MAGI1: variants seen among roughly 807,000 people sequenced by gnomAD.
MAGI1 encodes membrane-associated guanylate kinase, WW and PDZ domain-containing protein 1.
In MAGI1, 58 loss-of-function variants were observed where a neutral mutation model predicts 139.9. The ratio of observed to expected loss-of-function variants is 0.41; its 90% confidence interval spans 0.34 to 0.52. MAGI1 has a LOEUF of 0.52. Among genes scored for constraint, MAGI1 ranks in the 20% least tolerant of loss-of-function variants. The pLI, the probability that MAGI1 is intolerant of heterozygous loss-of-function variation, is 0.12. For missense variants in MAGI1, 1,874 were observed against 1,901.6 expected, an observed-to-expected ratio of 0.99 and a Z score of 0.27; for synonymous variants, 812 against 737.9, an observed-to-expected ratio of 1.10 and a Z score of -1.63.
intron 12 of MAGI1, among the ~76,000 whole-genome samples, chr3:65,412,262 T>C (rs1464007987): frequency 1.3e-5 from 2 of 152,158 alleles, no homozygotes; most frequent in Non-Finnish European, 2.9e-5. Context: ...TGGAACTCTA[T>C]GCCTGCAGAT....
chr3:65,898,866 T>C (rs2061095420), intron 1 of MAGI1, among the ~76,000 whole-genome samples: 1 of 152,336 alleles, frequency 6.6e-6, no homozygotes, highest in South Asian at 2.1e-4. Context: ...CATGAATATG[T>C]ACAATTATTA....
chr3:65,711,661 G>A (rs1576838656), intron 1 of MAGI1, among the ~76,000 whole-genome samples: 4 of 152,270 alleles, frequency 2.6e-5, no homozygotes, highest in South Asian at 2.1e-4. Context: ...TACAATTGGT[G>A]TCCTGAGAAA....
chr3:65,549,180 C>A (rs2079684137), intron 2 of MAGI1, among the ~76,000 whole-genome samples: 1 of 152,104 alleles, frequency 6.6e-6, no homozygotes, highest in Non-Finnish European at 1.5e-5. Context: ...CGACCGCCAG[C>A]CTGGGGAGGC....
At chr3:65,972,722 G>T (rs2065068017) in intron 1 of MAGI1, among the ~76,000 whole-genome samples, 1 of 152,206 alleles carries the variant, frequency 6.6e-6, no homozygotes, top group South Asian at 2.1e-4. Flanking sequence ...GAAGCAGTCA[G>T]ATACTCAACT....
At position 65,828,276 on chromosome 3, in the gene MAGI1, G is replaced by C. The variant is rs73832970; in HGVS notation, c.314-206188C>G. The stretch of plus-strand genomic sequence containing the variant: ...CCATCAGGTTCTGTCCAAACCTGGT[G>C]AACATCAAGCACCAACATCACAGGC... On this transcript the variant is annotated intron_variant, in intron 1 of 22. Transcript: ENST00000402939. 6.9e-3 allele frequency among the ~76,000 whole-genome samples: 1,049 copies of C among 152,286 alleles called. 12 individuals are homozygous for C. Among genetic ancestry groups the C allele is most frequent in the African/African-American group, 0.024 (1,005 of 41,556 alleles).
At chr3:65,910,694 C>A (rs11920979) in intron 1 of MAGI1, among the ~76,000 whole-genome samples, 1 of 152,144 alleles carries the variant, frequency 6.6e-6, no homozygotes, top group Admixed American at 6.5e-5. Context: ...CATCAAAACT[C>A]TACAGTAGCT....
At chr3:65,878,383 G>A (rs1446171905) in intron 1 of MAGI1, among the ~76,000 whole-genome samples, 1 of 152,060 alleles carries the variant, frequency 6.6e-6, no homozygotes, top group Non-Finnish European at 1.5e-5. Flanking sequence ...AGGCATGGTG[G>A]TGGGTGCCTG....
chr3:65,531,395 G>T (rs1191434383), intron 2 of MAGI1, among the ~76,000 whole-genome samples: 2 of 152,120 alleles, frequency 1.3e-5, no homozygotes, highest in African/African-American at 2.4e-5. Context: ...GAACTCGGGT[G>T]AAGGGTACAC....
At chr3:65,418,187 C>A (rs1225396425) in intron 12 of MAGI1, among the ~76,000 whole-genome samples, 1 of 152,184 alleles carries the variant, frequency 6.6e-6, no homozygotes, top group Non-Finnish European at 1.5e-5. Flanking sequence ...ATCCTCCGTA[C>A]CCCACCATTC....
chr3:65,786,030 GCTGCAACCTCTGC>G lies in MAGI1; in HGVS notation c.314-163955_314-163943del, dbSNP rs556268894. On this transcript the variant is annotated intron_variant, in intron 1 of 22. Transcript: ENST00000402939. Reference sequence around the variant, plus strand: ...GGGCTCACTGCAACCTCTGCTCACTGCTGCAACCTCTGCCTCCTGGATTCAAGTGATTCTCCTG... The same window carrying G: ...GGGCTCACTGCAACCTCTGCTCACTGCTCCTGGATTCAAGTGATTCTCCTG... Among the ~76,000 whole-genome samples the G allele has an allele frequency of 1.8e-4, 27 of 151,220 alleles. No homozygotes were observed. In the East Asian group the frequency reaches 3.7e-3, roughly 21 times the overall value.
At chr3:65,811,955 T>TACA (rs2041265234) in intron 1 of MAGI1, among the ~76,000 whole-genome samples, 1 of 149,078 alleles carries the variant, frequency 6.7e-6, no homozygotes, top group Non-Finnish European at 1.5e-5. Context: ...TGTGTGTGTG[T>TACA]GTGTGAGAGA....
At chr3:65,519,691 A>G (rs534403851) in intron 2 of MAGI1, among the ~76,000 whole-genome samples, 1 of 152,184 alleles carries the variant, frequency 6.6e-6, no homozygotes, top group Non-Finnish European at 1.5e-5. Context: ...GCCCTGACTT[A>G]GATTTTAAAG....
At position 65,429,601 on chromosome 3, in the gene MAGI1, C is replaced by G. The variant is rs751502191; in HGVS notation, c.2086G>C (p.Ala696Pro). 19 of 1,613,870 alleles carry G rather than the reference C, an allele frequency of 1.2e-5. No homozygotes were observed. The highest frequency in any genetic ancestry group is 1.4e-5 in the Non-Finnish European group (17 of 1,179,944). ...IVEVNKKNVQ[A>P]LTHNQVVDML... ...TCCACCACTTGGTTGTGAGTTAGGG[C>G]CTGCACGTTCTTCTTATTAACTTCC... is the stretch of plus-strand genomic sequence containing the variant. Residue 696 changes from alanine (A) to proline (P), a missense_variant, in exon 12 of 23, where the codon GCC becomes CCC. By Grantham distance (27) the Ala-to-Pro change is conservative. Transcript: ENST00000402939.
At chr3:65,625,607 G>A (rs927184908) in intron 1 of MAGI1, among the ~76,000 whole-genome samples, 1 of 152,070 alleles carries the variant, frequency 6.6e-6, no homozygotes, top group Non-Finnish European at 1.5e-5. Context: ...ACAGTGCCTG[G>A]CAAAAAGAAA....
At chr3:65,784,924 T>C (rs1007953492) in intron 1 of MAGI1, among the ~76,000 whole-genome samples, 1 of 152,122 alleles carries the variant, frequency 6.6e-6, no homozygotes, top group Admixed American at 6.5e-5. Flanking sequence ...TGTAAGAGAT[T>C]TGTGGCTACC....
At chr3:65,751,660 T>C (rs2036164431) in intron 1 of MAGI1, among the ~76,000 whole-genome samples, 1 of 152,214 alleles carries the variant, frequency 6.6e-6, no homozygotes, top group Non-Finnish European at 1.5e-5. Flanking sequence ...TCTTTGCAAG[T>C]ATCACTGAGT....
At chr3:65,902,525 CT>C (rs2061274526) in intron 1 of MAGI1, 1 of 152,668 alleles carries the variant, frequency 6.6e-6, no homozygotes, top group Admixed American at 6.5e-5. Context: ...GGAAGCACCC[CT>C]GGCCCTCCTA....
chr3:65,994,104 T>C (rs1272388957), intron 1 of MAGI1, among the ~76,000 whole-genome samples: 1 of 151,864 alleles, frequency 6.6e-6, no homozygotes, highest in Non-Finnish European at 1.5e-5. Flanking sequence ...TGAAACCCCA[T>C]CTCTACTAAA....
At chr3:65,553,528 CACGGTGATGAGAT>C (rs2079948198) in intron 2 of MAGI1, among the ~76,000 whole-genome samples, 2 of 152,174 alleles carry the variant, frequency 1.3e-5, no homozygotes, top group African/African-American at 4.8e-5. Context: ...AGTGAACAGA[CACGGTGATGAGAT>C]ACCTGTGCCT....
Sources: allele counts gnomAD v4.1 joint callset (sites outside exome capture counted in the v4.1 genomes callset), GRCh38; gene constraint gnomAD v4.1.1; transcripts MANE v1.5; gene names NCBI Gene and HGNC (gene_info 2026-07-23, HGNC 2026-07-21).